Variants in PLPP4 observed in about 807,000 individuals in gnomAD.
PLPP4 encodes diacylglycerol pyrophosphate like 2.
In PLPP4, 20 loss-of-function variants were observed where a neutral mutation model predicts 32.2. That is an observed-to-expected ratio of 0.62 (90% CI 0.44 to 0.90). The LOEUF is 0.90. Among genes scored for constraint, PLPP4 ranks in the 40% least tolerant of loss-of-function variants. The pLI is 0.00. For synonymous variants in PLPP4, 127 were observed against 133.0 expected, an observed-to-expected ratio of 0.95 and a Z score of 0.31; for missense variants, 257 against 353.1, an observed-to-expected ratio of 0.73 and a Z score of 2.18.
chr10:120,495,851 G>A lies in PLPP4; in HGVS notation c.57-7967G>A, dbSNP rs1472117673. 3.9e-5 allele frequency among the ~76,000 whole-genome samples: 6 copies of A among 152,178 alleles called. No homozygotes were observed. In the East Asian group the frequency reaches 1.2e-3, roughly 29 times the overall value. ...TTTGTAAGATAAACAGCCACTGTTT[G>A]TGGAGGCCTTCAGTGCCCCAGGTGC... On this transcript the variant is annotated intron_variant, in intron 1 of 6. Coordinates refer to ENST00000398250, the MANE Select transcript of PLPP4 (RefSeq NM_001030059.3).
chr10:120,519,651 A>G (rs2133905450), intron 4 of PLPP4, among the ~76,000 whole-genome samples: 1 of 152,250 alleles, frequency 6.6e-6, no homozygotes, highest in African/African-American at 2.4e-5. Flanking sequence ...GTGGACATCC[A>G]TACTTGGAGA....
At chr10:120,535,154 C>T (rs1846955693) in intron 5 of PLPP4, among the ~76,000 whole-genome samples, 1 of 152,038 alleles carries the variant, frequency 6.6e-6, no homozygotes, top group Admixed American at 6.5e-5. Flanking sequence ...GTCTATTTTC[C>T]CCACAATATG....
chr10:120,515,717 C>T (rs1472245924), intron 3 of PLPP4, among the ~76,000 whole-genome samples: 2 of 152,172 alleles, frequency 1.3e-5, no homozygotes, highest in Non-Finnish European at 2.9e-5. Context: ...CTTGAGTGGC[C>T]GGGCAGTGTT....
At chr10:120,466,322 C>CA (rs540466524) in intron 1 of PLPP4, among the ~76,000 whole-genome samples, 27 of 151,820 alleles carry the variant, frequency 1.8e-4, no homozygotes, top group African/African-American at 6.3e-4. Flanking sequence ...ATAGGTTCAC[C>CA]AAAAACCAAT....
chr10:120,558,915 T>C (rs1485555557), intron 5 of PLPP4, among the ~76,000 whole-genome samples: 1 of 152,240 alleles, frequency 6.6e-6, no homozygotes, highest in Admixed American at 6.5e-5. Flanking sequence ...TTTTGGGTCA[T>C]TTGCTTATCT....
chr10:120,507,488 G>A (rs1348629667), intron 2 of PLPP4, among the ~76,000 whole-genome samples: 1 of 152,124 alleles, frequency 6.6e-6, no homozygotes, highest in African/African-American at 2.4e-5. Context: ...AATCCTTTGA[G>A]GTCAGCACTT....
At chr10:120,514,753 GTTTTCAGC>G (rs1845871480) in intron 3 of PLPP4, among the ~76,000 whole-genome samples, 2 of 152,088 alleles carry the variant, frequency 1.3e-5, no homozygotes, top group South Asian at 2.1e-4. Context: ...CTGTAGCCAG[GTTTTCAGC>G]TTTTTGACCG....
At chr10:120,547,773 G>C (rs1293880567) in intron 5 of PLPP4, among the ~76,000 whole-genome samples, 1 of 152,136 alleles carries the variant, frequency 6.6e-6, no homozygotes, top group Admixed American at 6.6e-5. Context: ...TAGTTCATAG[G>C]CATTGGAATA....
At position 120,490,525 on chromosome 10, in the gene PLPP4, C is replaced by T. The variant is rs139918454; in HGVS notation, c.57-13293C>T. On this transcript the variant is annotated intron_variant, in intron 1 of 6. Transcript: ENST00000398250. The stretch of plus-strand genomic sequence containing the variant: ...GCATTCCAGAGCCTCATTGAATGCT[C>T]ACATGTTTGCAGCCCTGTCCTGGAT... 2.2e-3 allele frequency among the ~76,000 whole-genome samples: 338 copies of T among 152,328 alleles called. 1 individual carries two copies. The highest frequency in any genetic ancestry group is 7.9e-3 in the African/African-American group (328 of 41,566).
chr10:120,581,182 A>G (rs934409281), intron 6 of PLPP4: 12 of 985,290 alleles, frequency 1.2e-5, no homozygotes, highest in Non-Finnish European at 1.4e-5. Context: ...TGTAATTCCC[A>G]GGGAAGATGG....
chr10:120,484,173 T>G (rs559198730), intron 1 of PLPP4, among the ~76,000 whole-genome samples: 26 of 152,346 alleles, frequency 1.7e-4, no homozygotes, highest in African/African-American at 6.3e-4. Context: ...GTCTCTTTTT[T>G]TCTATGCATA....
At chr10:120,491,863 A>C (rs755043350) in intron 1 of PLPP4, among the ~76,000 whole-genome samples, 1 of 152,156 alleles carries the variant, frequency 6.6e-6, no homozygotes, top group Non-Finnish European at 1.5e-5. Flanking sequence ...ACAAACATAC[A>C]AGCAAACAAA....
chr10:120,575,590 G>C (rs1297206915), intron 6 of PLPP4, among the ~76,000 whole-genome samples: 1 of 152,132 alleles, frequency 6.6e-6, no homozygotes, highest in Non-Finnish European at 1.5e-5. Flanking sequence ...CTTGGCCTGA[G>C]ACCCAAATGT....
At chr10:120,479,862 C>A (rs368718699) in intron 1 of PLPP4, among the ~76,000 whole-genome samples, 2 of 152,136 alleles carry the variant, frequency 1.3e-5, no homozygotes, top group African/African-American at 4.8e-5. Flanking sequence ...AGGTCCTTTT[C>A]CATGAAATAA....
chr10:120,575,343 G>T (rs1849170417), intron 6 of PLPP4, 42 bp downstream of exon 6: 1 of 1,589,178 alleles, frequency 6.3e-7, no homozygotes, highest in South Asian at 1.1e-5. Flanking sequence ...CACTGTGGTT[G>T]CCCCTCTCCT....
rs1376491487 is a variant in PLPP4, at chr10:120,590,803, T to C, written c.*1301T>C. On this transcript the variant is annotated 3_prime_UTR_variant, in exon 7 of 7. Transcript: ENST00000398250. Reference sequence around the variant, plus strand: ...TTTTTTTTGAGATGGAGTCTCGCTGTGTCGAGACTGCACTGGAGTGCAGTG... The same window carrying C: ...TTTTTTTTGAGATGGAGTCTCGCTGCGTCGAGACTGCACTGGAGTGCAGTG... Among the ~76,000 whole-genome samples, 2 of 147,790 alleles carry C rather than the reference T, an allele frequency of 1.4e-5. No individual in the cohort carries two copies. Among genetic ancestry groups the C allele is most frequent in the Admixed American group, 1.4e-4 (2 of 14,654 alleles).
intron 1 of PLPP4, among the ~76,000 whole-genome samples, chr10:120,481,372 A>T (rs549152551): frequency 3.3e-5 from 5 of 152,226 alleles, no homozygotes; most frequent in Non-Finnish European, 7.3e-5. Context: ...ATCAGGGAGA[A>T]GGGATAACTC....
chr10:120,513,512 G>C (rs1252694075), intron 2 of PLPP4, among the ~76,000 whole-genome samples: 2 of 152,206 alleles, frequency 1.3e-5, no homozygotes. Context: ...TTGACTCTAA[G>C]TGAGTCTCAA....
At chr10:120,498,808 G>A (rs561221810) in intron 1 of PLPP4, among the ~76,000 whole-genome samples, 1 of 152,094 alleles carries the variant, frequency 6.6e-6, no homozygotes, top group African/African-American at 2.4e-5. Flanking sequence ...TTGCAGGCAC[G>A]CACCACCACA....
Sources: gnomAD v4.1 joint callset for allele counts (sites outside exome capture counted in the v4.1 genomes callset) on GRCh38, gnomAD v4.1.1 for gene constraint, MANE v1.5 for transcripts, NCBI Gene and HGNC (gene_info 2026-07-23, HGNC 2026-07-21) for gene names.